The following NR5A2 variants were observed in gnomAD, a reference collection of about 807,000 sequenced individuals.
NR5A2 encodes nuclear receptor subfamily 5 group A member 2.
In NR5A2, 26 loss-of-function variants were observed where a neutral mutation model predicts 62.7. That is an observed-to-expected ratio of 0.41 (90% confidence interval 0.30 to 0.58). The LOEUF (loss-of-function observed/expected upper bound fraction) is 0.58, where lower values mean the gene tolerates loss of function less well. Among genes scored for constraint, NR5A2 ranks in the 20% least tolerant of loss-of-function variants. The pLI is 0.22. For missense variants in NR5A2, 541 were observed against 669.1 expected (o/e 0.81, Z 2.11); for synonymous variants, 246 against 241.7 (o/e 1.02, Z -0.16).
At chr1:200,072,490 T>C (rs1558121193) in intron 5 of NR5A2, among the ~76,000 whole-genome samples, 1 of 152,170 alleles carries the variant, frequency 6.6e-6, no homozygotes, top group Non-Finnish European at 1.5e-5. Flanking sequence ...TTAGATCTTG[T>C]ATAAAACTTG....
chr1:200,072,502 A>G (rs1663784479), intron 5 of NR5A2, among the ~76,000 whole-genome samples: 1 of 152,178 alleles, frequency 6.6e-6, no homozygotes, highest in Non-Finnish European at 1.5e-5. Context: ...TAAAACTTGG[A>G]AAGAAAACAC....
At chr1:200,136,857 A>G (rs1010738791) in intron 7 of NR5A2, among the ~76,000 whole-genome samples, 7 of 152,188 alleles carry the variant, frequency 4.6e-5, no homozygotes, top group Non-Finnish European at 7.3e-5. Context: ...GCTGCTTTCT[A>G]TTGATCGGTT....
intron 1 of NR5A2, among the ~76,000 whole-genome samples, chr1:200,037,817 A>T (rs1661848922): frequency 6.6e-6 from 1 of 152,250 alleles, no homozygotes; most frequent in Admixed American, 6.5e-5. Context: ...CAAATCAATT[A>T]AGAGTCAGTA....
At chr1:200,160,918 C>T (rs973817933) in intron 7 of NR5A2, among the ~76,000 whole-genome samples, 2 of 151,686 alleles carry the variant, frequency 1.3e-5, no homozygotes, top group African/African-American at 2.4e-5. Context: ...GCAAAAACCA[C>T]CAAAGTTTCT....
At chr1:200,065,840 C>A (rs756539485) in intron 5 of NR5A2, among the ~76,000 whole-genome samples, 6 of 152,136 alleles carry the variant, frequency 3.9e-5, no homozygotes, top group Non-Finnish European at 7.4e-5. Context: ...GGACACACAG[C>A]ACTACAGGCA....
chr1:200,144,996 G>A (rs1450931731), intron 7 of NR5A2, among the ~76,000 whole-genome samples: 2 of 152,072 alleles, frequency 1.3e-5, no homozygotes, highest in Non-Finnish European at 2.9e-5. Flanking sequence ...ATCATCTGGG[G>A]GTTGAGGGAG....
chr1:200,116,996 TTATAA>T (rs916769142), intron 6 of NR5A2, among the ~76,000 whole-genome samples: 49 of 152,312 alleles, frequency 3.2e-4, no homozygotes, highest in African/African-American at 1.0e-3. Flanking sequence ...GACAGGCATC[TTATAA>T]TATACAAGTC....
chr1:200,073,322 T>TTATA (rs144911451), intron 5 of NR5A2, among the ~76,000 whole-genome samples: 3 of 36,554 alleles, frequency 8.2e-5, no homozygotes, highest in African/African-American at 3.3e-4. Context: ...ATATTCCCCT[T>TTATA]TATATATATA....
rs1488947767 is a variant in NR5A2, at chr1:200,039,117, T to C, written c.65-541T>C. Among the ~76,000 whole-genome samples the C allele has an allele frequency of 1.3e-5, 2 of 151,374 alleles. No homozygotes were observed. The highest frequency in any genetic ancestry group is 2.4e-5 in the African/African-American group (1 of 41,126). ...GAGAGGGAGGTTGGAACTTCACAAC[T>C]CCACACTTGCGATAGTGAGCAAGAG... On this transcript the variant is annotated intron_variant, in intron 1 of 7. Transcript: ENST00000367362. This position sits in a 1 kb window ranked among gnomAD's most constrained non-coding sequence, Gnocchi z 5.1.
intron 5 of NR5A2, among the ~76,000 whole-genome samples, chr1:200,087,443 G>A (rs1041409936): frequency 6.6e-6 from 1 of 151,974 alleles, no homozygotes; most frequent in Non-Finnish European, 1.5e-5. Context: ...CTCCCATGCT[G>A]GAGTACGGTG....
intron 5 of NR5A2, among the ~76,000 whole-genome samples, chr1:200,080,668 C>T (rs908586418): frequency 2.6e-5 from 4 of 152,134 alleles, no homozygotes; most frequent in African/African-American, 9.7e-5. Context: ...CATTTTATCT[C>T]GAATAGCTTT....
At chr1:200,153,830 A>G (rs1377367905) in intron 7 of NR5A2, among the ~76,000 whole-genome samples, 2 of 152,176 alleles carry the variant, frequency 1.3e-5, no homozygotes, top group Non-Finnish European at 2.9e-5. Flanking sequence ...GGAAAAGAAA[A>G]GGAAAGAGAA....
intron 7 of NR5A2, among the ~76,000 whole-genome samples, chr1:200,126,148 C>T (rs1666691502): frequency 6.6e-6 from 1 of 152,122 alleles, no homozygotes; most frequent in Non-Finnish European, 1.5e-5. Context: ...ACATCTGGCC[C>T]TCCCTTGAAA....
At position 200,039,209 on chromosome 1, in the gene NR5A2, G is replaced by GGA. The variant is rs1278226777; in HGVS notation, c.65-442_65-441dup. Among the ~76,000 whole-genome samples the GGA allele has an allele frequency of 6.6e-6, 1 of 151,948 alleles. No individual in the cohort carries two copies. The highest frequency in any genetic ancestry group is 2.4e-5 in the African/African-American group (1 of 41,418). On this transcript the variant is annotated intron_variant, in intron 1 of 7. Coordinates refer to ENST00000367362, the MANE Select transcript of NR5A2 (RefSeq NM_205860.3). The surrounding 1 kb of genome is among the most constrained non-coding windows in gnomAD (Gnocchi z 5.1). Reference sequence around the variant, plus strand: ...AGAGAGAAGGGAGGCGAGAGAAAGAGGAGAGAGACCCCTGCCGATCCTGAG... The same window carrying GGA: ...AGAGAGAAGGGAGGCGAGAGAAAGAGGAGAGAGAGACCCCTGCCGATCCTGAG...
At chr1:200,035,045 C>A (rs1255340923) in intron 1 of NR5A2, among the ~76,000 whole-genome samples, 1 of 152,036 alleles carries the variant, frequency 6.6e-6, no homozygotes, top group East Asian at 1.9e-4. Context: ...AAGGCAAAAG[C>A]AGCTTCTGAT....
At chr1:200,160,982 CA>C (rs56332154) in intron 7 of NR5A2, among the ~76,000 whole-genome samples, 46,834 of 139,014 alleles carry the variant, frequency 0.34, 7,798 homozygotes, top group African/African-American at 0.47. Flanking sequence ...GACGTGAGTA[CA>C]AAAAAAAAAA....
At chr1:200,036,049 G>A (rs1050768964) in intron 1 of NR5A2, among the ~76,000 whole-genome samples, 1 of 152,148 alleles carries the variant, frequency 6.6e-6, no homozygotes, top group African/African-American at 2.4e-5. Context: ...AGTGGCAGTT[G>A]CTAAGATGTC....
At chr1:200,113,918 C>G (rs566881880) in intron 6 of NR5A2, among the ~76,000 whole-genome samples, 1 of 152,122 alleles carries the variant, frequency 6.6e-6, no homozygotes, top group Non-Finnish European at 1.5e-5. Context: ...CAGTGGCTCA[C>G]GCCTGTAATC....
intron 2 of NR5A2, chr1:200,042,831 T>G: frequency 1.0e-6 from 1 of 985,536 alleles, no homozygotes; most frequent in Middle Eastern, 5.2e-4. Context: ...GTGCATAGTT[T>G]GTCATCTTTT....
Sources: allele counts gnomAD v4.1 joint callset (sites outside exome capture counted in the v4.1 genomes callset), GRCh38; gene constraint gnomAD v4.1.1; non-coding constraint Gnocchi (gnomAD v3.1); transcripts MANE v1.5; gene names NCBI Gene and HGNC (gene_info 2026-07-23, HGNC 2026-07-21).